Variants in EOLA1 observed in about 807,000 individuals in gnomAD.
The protein encoded by EOLA1 is endothelium and lymphocyte associated ASCH domain 1.
In EOLA1, 1 loss-of-function variant was observed where a neutral mutation model predicts 4.5. The ratio of observed to expected loss-of-function variants is 0.22; its 90% CI spans 0.08 to 1.05. EOLA1 has a LOEUF of 1.05. EOLA1 is among the 50% of genes least tolerant of loss of function. EOLA1 has a pLI of 0.57. For missense variants in EOLA1, 69 were observed against 127.2 expected (o/e 0.54, Z 2.20); for synonymous variants, 37 against 52.3 (o/e 0.71, Z 1.26).
chrX:149,545,516 G>T lies in EOLA1; in HGVS notation c.-30+16G>T. 8.7e-7 allele frequency: 1 copy of T among 1,147,937 alleles called. No individual in the cohort carries two copies. The highest frequency in any genetic ancestry group is 3.0e-5 in the East Asian group (1 of 32,937). The allele number at this position is 1,147,937 out of a possible 1,213,427, so 94.6% of individuals were successfully genotyped here. On this transcript the variant is annotated intron_variant, in intron 3 of 4. Transcript: ENST00000393985. Reference sequence around the variant, plus strand: ...GACCATCAAGGTCAGTGCGATTTAGGCCACCTGAGAGACACGGGGGGAAGG... The same window carrying T: ...GACCATCAAGGTCAGTGCGATTTAGTCCACCTGAGAGACACGGGGGGAAGG...
At chrX:149,546,027 C>T (rs2089837545) in intron 4 of EOLA1, 144 bp downstream of exon 4, 10 of 764,910 alleles carry the variant, frequency 1.3e-5, no homozygotes, top group East Asian at 3.5e-5. Flanking sequence ...TTCAAAGGGG[C>T]GGCAAGGACC....
chrX:149,540,676 G>A (rs1322101753), upstream of EOLA1: 1 of 104,837 alleles, frequency 9.5e-6, no homozygotes, highest in African/African-American at 3.5e-5. Flanking sequence ...TGGTGTCCTC[G>A]TCCCACCCTT....
In EOLA1 at chrX:149,546,799, T is replaced by C. The variant is rs1319438618; in HGVS notation, c.314T>C (p.Val105Ala). Residue 105 changes from valine (V) to alanine (A), a missense_variant, in exon 5 of 5, where the codon GTG becomes GCG. By Grantham distance (64) the Val-to-Ala change is moderately conservative (BLOSUM62 0). Transcript: ENST00000393985. ...CPEDLTPDEV[V>A]ELENQAVLTN... ...GAAGACTTAACTCCCGATGAGGTTG[T>C]GGAACTAGAAAATCAAGCTGTACTG... 1 of 1,208,286 alleles carries C rather than the reference T, an allele frequency of 8.3e-7. No homozygotes were observed. The highest frequency in any genetic ancestry group is 1.1e-6 in the Non-Finnish European group (1 of 894,736).
chrX:149,544,439 G>A (rs2089795178), intron 2 of EOLA1: 4 of 587,435 alleles, frequency 6.8e-6, no homozygotes, highest in Non-Finnish European at 8.1e-6. Context: ...AGGAGTAGGG[G>A]CAGCTCAAGG....
At chrX:149,543,491 G>GT (rs35340594) in intron 2 of EOLA1, among the ~76,000 whole-genome samples, 1 of 59,085 alleles carries the variant, frequency 1.7e-5, no homozygotes, top group Admixed American at 1.8e-4. Flanking sequence ...GACAAGTGCT[G>GT]GGGGGGGGTG....
intron 1 of EOLA1, 27 bp downstream of exon 1, chrX:149,541,370 A>G (rs1368440726): frequency 1.8e-5 from 2 of 113,285 alleles, no homozygotes; most frequent in Non-Finnish European, 3.8e-5. Flanking sequence ...GTTTCCCTGG[A>G]TGTGGGGCTG....
chrX:149,546,959 GT>G lies in EOLA1; in HGVS notation c.475del (p.Ter159AspfsTer25), dbSNP rs2089861955. On this transcript the variant is annotated frameshift_variant and stop_lost, in exon 5 of 5. Coordinates refer to ENST00000393985, the MANE Select transcript of EOLA1 (RefSeq NM_001171907.3). LOFTEE classifies it high-confidence loss of function. ...ACCTGATCCCTTTGGGGCATGAAGTGTGACAAGTGTGGGCTCCTGAAAGGAA... is the reference window on the plus strand; with the variant it reads ...ACCTGATCCCTTTGGGGCATGAAGTGGACAAGTGTGGGCTCCTGAAAGGAA... ...EHLIPLGHEV* is the reference protein window; with the variant it reads ...EHLIPLGHEVX 8.3e-7 allele frequency: 1 copy of G among 1,201,409 alleles called. No homozygotes were observed. Among genetic ancestry groups the G allele is most frequent in the South Asian group, 1.8e-5 (1 of 55,680 alleles).
At position 149,546,788 on chromosome X, in the gene EOLA1, C is replaced by G. The variant is rs782752836; in HGVS notation, c.303C>G (p.Pro101=). ...TGCAATGCCCCGAAGACTTAACTCC[C>G]GATGAGGTTGTGGAACTAGAAAATC... ...ETLQCPEDLT[P]DEVVELENQA... Residue 101 remains proline (P), a synonymous_variant, in exon 5 of 5, where the codon CCC becomes CCG. Coordinates refer to ENST00000393985, the MANE Select transcript of EOLA1 (RefSeq NM_001171907.3). The G allele has an allele frequency of 2.1e-5, 25 of 1,210,789 alleles. No individual in the cohort carries two copies. In the South Asian group the frequency reaches 4.2e-4, roughly 20 times the overall value.
In EOLA1 at chrX:149,544,650, C is replaced by T. The variant is rs190751703; in HGVS notation, c.-162-718C>T. ...CTGGTTTCGAGCCCAGGGTTCCTTCCAAGGCACAGGGCCGTCCTCCATGCA... is the reference window on the plus strand; with the variant it reads ...CTGGTTTCGAGCCCAGGGTTCCTTCTAAGGCACAGGGCCGTCCTCCATGCA... On this transcript the variant is annotated intron_variant, in intron 2 of 4. Coordinates refer to ENST00000393985, the MANE Select transcript of EOLA1 (RefSeq NM_001171907.3). The T allele has an allele frequency of 2.0e-5, 15 of 751,524 alleles. No homozygotes were observed. In the East Asian group the frequency reaches 1.7e-3, roughly 84 times the overall value. The allele number at this position is 751,524 out of a possible 1,213,427, so 61.9% of individuals were successfully genotyped here.
At chrX:149,541,476 G>C in intron 1 of EOLA1, 133 bp downstream of exon 1, 1 of 112,655 alleles carries the variant, frequency 8.9e-6, no homozygotes, top group East Asian at 2.8e-4. Flanking sequence ...TACCCGCGAC[G>C]TGCGTCTGCG....
chrX:149,550,933 AG>A (rs1317075619), downstream of EOLA1, among the ~76,000 whole-genome samples: 2 of 34,678 alleles, frequency 5.8e-5, no homozygotes, highest in Admixed American at 4.1e-4. Context: ...GGGCAGGAGG[AG>A]GGAGAAAACC....
chrX:149,546,747 G>T lies in EOLA1; in HGVS notation c.262G>T (p.Asp88Tyr). 1 of 1,200,791 alleles carries T rather than the reference G, an allele frequency of 8.3e-7. No individual in the cohort carries two copies. The highest frequency in any genetic ancestry group is 3.0e-5 in the East Asian group (1 of 33,635). Reference protein sequence around the residue: ...FGRGVIAGLVDIGETLQCPED... With the variant: ...FGRGVIAGLVYIGETLQCPED... ...TCTCTCTTTGTGTACAGGACTCGTT[G>T]ACATTGGGGAAACTTTGCAATGCCC... The change falls in exon 5 of 5, where the codon GAC (aspartate) becomes TAC (tyrosine). Residue 88 changes from aspartate (D) to tyrosine (Y), a missense_variant. Physicochemically the swap from Asp to Tyr is radical, Grantham distance 160. Coordinates refer to ENST00000393985, the MANE Select transcript of EOLA1 (RefSeq NM_001171907.3).
rs3747442 is a variant in EOLA1 at position 149,541,200 on chromosome X, A to T, written c.-373A>T. Reference sequence around the variant, plus strand: ...GTCTCGGGGAAGCAGAGGACTGTTCATTCCTGTGGCGAAAAGCCGGAGTCG... The same window carrying T: ...GTCTCGGGGAAGCAGAGGACTGTTCTTTCCTGTGGCGAAAAGCCGGAGTCG... On this transcript the variant is annotated 5_prime_UTR_variant, in exon 1 of 5. Transcript: ENST00000393985. 0.16 allele frequency: 18,402 copies of T among 112,080 alleles called. 1,997 individuals carry two copies. The highest frequency in any genetic ancestry group is 0.4 in the African/African-American group (12,010 of 30,386). 9.2% of individuals were successfully genotyped at this position (112,080 alleles called of 1,213,427 possible).
In EOLA1 at chrX:149,541,938, A is replaced by G. The variant is rs181202775; in HGVS notation, c.-229-81A>G. On this transcript the variant is annotated intron_variant, in intron 1 of 4. Transcript: ENST00000393985. ...TCTTGGTTTCCAATGCCTGCTAAGT[A>G]CATGACCTTCTTAGGGCCATTAACC... is the stretch of plus-strand genomic sequence containing the variant. 2.4e-4 allele frequency: 145 copies of G among 616,003 alleles called. No homozygotes were observed. The African/African-American group carries it at 3.3e-3, about 14-fold the overall frequency. The allele number at this position is 616,003 out of a possible 1,213,427, so 50.8% of individuals were successfully genotyped here.
At chrX:149,544,720 C>A (rs1165312576) in intron 2 of EOLA1, 47 of 750,848 alleles carry the variant, frequency 6.3e-5, no homozygotes, top group Non-Finnish European at 6.7e-5. Flanking sequence ...GGAGGCTGGG[C>A]AAGAGTTGTG....
chrX:149,545,537 G>T, intron 3 of EOLA1, 37 bp downstream of exon 3: 3 of 1,160,118 alleles, frequency 2.6e-6, no homozygotes, highest in Non-Finnish European at 2.3e-6. Context: ...GACACGGGGG[G>T]AAGGTCAGGC....
At chrX:149,545,167 G>C (rs2089814853) in intron 2 of EOLA1, 2 of 454,381 alleles carry the variant, frequency 4.4e-6, no homozygotes, top group South Asian at 2.2e-4. Flanking sequence ...GGCACTGAGA[G>C]TATTGGCAGG....
At chrX:149,548,439 G>C (rs1287540615), downstream of EOLA1, 82 of 931,955 alleles carry the variant, frequency 8.8e-5, no homozygotes, top group Non-Finnish European at 1.1e-4. Flanking sequence ...ATGACTGAGA[G>C]GGAGGCCAAC....
At position 149,545,477 on chromosome X, in the gene EOLA1, A is replaced by C; in HGVS notation, c.-53A>C. 9.0e-7 allele frequency: 1 copy of C among 1,108,207 alleles called. No homozygotes were observed. Among genetic ancestry groups the C allele is most frequent in the Non-Finnish European group, 1.2e-6 (1 of 845,287 alleles). The allele number at this position is 1,108,207 out of a possible 1,213,427, so 91.3% of individuals were successfully genotyped here. A position where few individuals can be genotyped will look rare whatever the true frequency, so the allele number is the denominator to read the frequency against. On this transcript the variant is annotated 5_prime_UTR_variant, in exon 3 of 5. Transcript: ENST00000393985. The stretch of plus-strand genomic sequence containing the variant: ...TGCTGTGGTGCTGGACATCAGTGAC[A>C]GACGGAAGCAGGAGACCATCAAGGT...
Sources: gnomAD v4.1 joint callset for allele counts (sites outside exome capture counted in the v4.1 genomes callset) on GRCh38, gnomAD v4.1.1 for gene constraint, MANE v1.5 for transcripts, NCBI Gene and HGNC (gene_info 2026-07-23, HGNC 2026-07-21) for gene names.